The following SNURF variants were observed in gnomAD, a reference collection of about 807,000 sequenced individuals.
SNURF encodes the protein SNURF protein.
Under a neutral mutation model 11.6 loss-of-function variants are expected in SNURF, and 6 were observed. The observed-to-expected ratio is 0.52, with a 90% confidence interval of 0.28 to 1.02. The LOEUF (loss-of-function observed/expected upper bound fraction) is 1.02, where lower values mean the gene tolerates loss of function less well. SNURF is among the 50% of genes least tolerant of loss of function. SNURF has a pLI of 0.09. For missense variants in SNURF, 84 were observed against 88.4 expected (o/e 0.95, Z 0.20); for synonymous variants, 29 against 31.6 (o/e 0.92, Z 0.27).
downstream of SNURF, among the ~76,000 whole-genome samples, chr15:24,973,202 A>G (rs2076654936): frequency 6.6e-6 from 1 of 152,036 alleles, no homozygotes; most frequent in African/African-American, 2.4e-5. Context: ...TCTCTGTTTA[A>G]CATTGTATTG....
At chr15:24,978,312 A>G (rs2077297476), downstream of SNURF, 1 of 1,614,126 alleles carries the variant, frequency 6.2e-7, no homozygotes, top group Non-Finnish European at 8.5e-7. Flanking sequence ...TCCACCAGGC[A>G]TTAGAGGTGA....
At chr15:24,971,980 G>A (rs1484842582), downstream of SNURF, among the ~76,000 whole-genome samples, 1 of 152,216 alleles carries the variant, frequency 6.6e-6, no homozygotes, top group Non-Finnish European at 1.5e-5. Flanking sequence ...TGCTGGCTGG[G>A]CGCAGTGGCT....
intron 5 of SNURF, chr15:24,976,426 A>T: frequency 1.9e-6 from 3 of 1,561,846 alleles, no homozygotes; most frequent in East Asian, 2.2e-5. Context: ...TGTAAGGAAG[A>T]TGTAGGGCAG....
chr15:24,963,005 TAACTG>T (rs1314206548), intron 2 of SNURF, among the ~76,000 whole-genome samples: 2 of 151,928 alleles, frequency 1.3e-5, no homozygotes, highest in African/African-American at 4.8e-5. Context: ...ACTACCAACT[TAACTG>T]GCCTTTTCCT....
chr15:24,960,593 G>A (rs777312061), intron 1 of SNURF, among the ~76,000 whole-genome samples: 4 of 152,064 alleles, frequency 2.6e-5, no homozygotes, highest in South Asian at 2.1e-4. Context: ...GAACCATTGC[G>A]CCCTGCCTCA....
chr15:24,978,103 T>C (rs189369069), downstream of SNURF: 13 of 1,377,946 alleles, frequency 9.4e-6, no homozygotes, highest in Admixed American at 2.3e-4. Context: ...CATTGTTGTC[T>C]GGCCCATTTC....
chr15:24,965,864 T>G (rs189907464), intron 2 of SNURF, among the ~76,000 whole-genome samples: 6 of 146,996 alleles, frequency 4.1e-5, no homozygotes, highest in Middle Eastern at 3.4e-3. Context: ...AAGATAACAT[T>G]ATATATATTT....
At chr15:24,970,117 A>G (rs1043755712), downstream of SNURF, among the ~76,000 whole-genome samples, 3 of 152,204 alleles carry the variant, frequency 2.0e-5, no homozygotes, top group African/African-American at 7.2e-5. Flanking sequence ...CGAAGTATAC[A>G]TTACAGCGTA....
chr15:24,975,571 C>G, intron 4 of SNURF: 1 of 1,415,100 alleles, frequency 7.1e-7, no homozygotes, highest in Non-Finnish European at 9.9e-7. Flanking sequence ...AAGGCCAGAG[C>G]TGGAGTAAGG....
At chr15:24,955,562 A>G (rs893336083) in intron 1 of SNURF, among the ~76,000 whole-genome samples, 1 of 143,146 alleles carries the variant, frequency 7.0e-6, no homozygotes, top group Non-Finnish European at 1.5e-5. Context: ...TAGGTGTATA[A>G]TAGTGACCAC....
chr15:24,968,860 G>C (rs897491588), downstream of SNURF: 1 of 151,870 alleles, frequency 6.6e-6, no homozygotes, highest in Non-Finnish European at 1.5e-5. Flanking sequence ...TTCTTTTTAT[G>C]TTGCTTTCAT....
downstream of SNURF, among the ~76,000 whole-genome samples, chr15:24,970,751 T>G (rs1167977518): frequency 6.6e-6 from 1 of 152,208 alleles, no homozygotes; most frequent in African/African-American, 2.4e-5. Context: ...GAAGTGCTGA[T>G]GGCCACTAAA....
chr15:24,969,222 A>C (rs555067665), downstream of SNURF, among the ~76,000 whole-genome samples: 3 of 152,178 alleles, frequency 2.0e-5, no homozygotes, highest in African/African-American at 4.8e-5. Flanking sequence ...TCTGCCTCCC[A>C]GGTTCAACTG....
chr15:24,976,199 A>AT (rs2077041983), intron 4 of SNURF: 1 of 852,934 alleles, frequency 1.2e-6, no homozygotes, highest in African/African-American at 1.7e-5. Flanking sequence ...AACTCAGTAA[A>AT]TGTTTAGCAT....
chr15:24,975,478 C>G, exon 4 of SNURF: 2 of 1,613,946 alleles, frequency 1.2e-6, no homozygotes, highest in Non-Finnish European at 1.7e-6. Context: ...GAATTTGATC[C>G]TCTGTGATTG....
At chr15:24,972,381 C>T (rs2076527535), downstream of SNURF, among the ~76,000 whole-genome samples, 1 of 151,884 alleles carries the variant, frequency 6.6e-6, no homozygotes. Flanking sequence ...TAAACTCTTA[C>T]TCATATTTAG....
intron 2 of SNURF, among the ~76,000 whole-genome samples, chr15:24,962,897 C>G (rs903887941): frequency 6.6e-6 from 1 of 151,920 alleles, no homozygotes; most frequent in Non-Finnish European, 1.5e-5. Flanking sequence ...TTTTTCTTAG[C>G]TACAATTGTT....
At chr15:24,972,527 G>A (rs1271374747), downstream of SNURF, among the ~76,000 whole-genome samples, 1 of 150,394 alleles carries the variant, frequency 6.6e-6, no homozygotes, top group Non-Finnish European at 1.5e-5. Flanking sequence ...ATGACAGCCA[G>A]GCATTAGAGT....
intron 2 of SNURF, among the ~76,000 whole-genome samples, chr15:24,964,392 A>T (rs1188174849): frequency 6.6e-6 from 1 of 152,072 alleles, no homozygotes; most frequent in Non-Finnish European, 1.5e-5. Context: ...TACCAAGTTC[A>T]AGTGATTCTC....
Sources: allele counts gnomAD v4.1 joint callset (sites outside exome capture counted in the v4.1 genomes callset), GRCh38; gene constraint gnomAD v4.1.1; transcripts MANE v1.5; gene names NCBI Gene and HGNC (gene_info 2026-07-23, HGNC 2026-07-21).